SPAG16: variants seen among roughly 807,000 people sequenced by gnomAD.
The protein encoded by SPAG16 is sperm-associated antigen 16 protein.
SPAG16 carries 86 observed loss-of-function variants against 80.4 expected under a neutral mutation model. That is an observed-to-expected ratio of 1.07 (90% CI 0.90 to 1.28). The LOEUF is 1.28. Among genes scored for constraint, SPAG16 ranks in the 50% most tolerant of loss-of-function variants. The pLI is 0.00. For missense variants in SPAG16, 870 were observed against 765.3 expected, an observed-to-expected ratio of 1.14 and a Z score of -1.61; for synonymous variants, 294 against 265.9, an observed-to-expected ratio of 1.11 and a Z score of -1.03.
intron 15 of SPAG16, among the ~76,000 whole-genome samples, chr2:214,275,224 T>C (rs959700096): frequency 3.3e-5 from 5 of 152,316 alleles, no homozygotes; most frequent in Admixed American, 2.6e-4. Context: ...TCTATCAATT[T>C]TGTTGATCTT....
intron 9 of SPAG16, among the ~76,000 whole-genome samples, chr2:213,486,960 G>A (rs1473074875): frequency 6.6e-6 from 1 of 152,134 alleles, no homozygotes; most frequent in South Asian, 2.1e-4. Flanking sequence ...ATGCTTTGCA[G>A]AGATTATCTC....
intron 15 of SPAG16, among the ~76,000 whole-genome samples, chr2:214,184,350 T>C (rs2057404085): frequency 1.3e-5 from 2 of 152,060 alleles, no homozygotes; most frequent in Non-Finnish European, 2.9e-5. Flanking sequence ...TTATTAGTAA[T>C]ACTAACAGCC....
chr2:214,258,471 GTATA>G (rs146532641), intron 15 of SPAG16, among the ~76,000 whole-genome samples: 28 of 141,440 alleles, frequency 2.0e-4, no homozygotes, highest in East Asian at 1.7e-3. Context: ...ATGTGTGTGT[GTATA>G]TATATATATA....
In SPAG16 at chr2:213,845,524, A is replaced by G. The variant is rs1338528941; in HGVS notation, c.1071-16961A>G. Among the ~76,000 whole-genome samples the G allele has an allele frequency of 2.6e-5, 4 of 152,294 alleles. No homozygotes were observed. In the East Asian group the frequency reaches 7.7e-4, roughly 29 times the overall value. ...GTTCTTAATCGTAATGAACATGAAC[A>G]GTATTAATAAGTTCAAAGCAATATG... On this transcript the variant is annotated intron_variant, in intron 10 of 15. Coordinates refer to ENST00000331683, the MANE Select transcript of SPAG16 (RefSeq NM_024532.5).
intron 11 of SPAG16, among the ~76,000 whole-genome samples, chr2:213,892,060 T>TG (rs1487570232): frequency 1.3e-5 from 2 of 152,110 alleles, no homozygotes; most frequent in African/African-American, 4.8e-5. Context: ...ATCTGTAATT[T>TG]GGAGATGTAA....
intron 15 of SPAG16, among the ~76,000 whole-genome samples, chr2:214,336,642 C>T (rs1420419342): frequency 6.6e-6 from 1 of 151,956 alleles, no homozygotes; most frequent in Non-Finnish European, 1.5e-5. Context: ...ATGTAGGAAA[C>T]TACACTGTAC....
intron 15 of SPAG16, among the ~76,000 whole-genome samples, chr2:214,383,498 G>A (rs1474635377): frequency 6.6e-6 from 1 of 151,178 alleles, no homozygotes; most frequent in Admixed American, 6.6e-5. Context: ...TGGAGCTGGG[G>A]AGACAGAGGT....
chr2:213,914,741 T>C (rs976835821), intron 11 of SPAG16, among the ~76,000 whole-genome samples: 1 of 152,196 alleles, frequency 6.6e-6, no homozygotes, highest in Admixed American at 6.5e-5. Context: ...CGATGAGTGA[T>C]ATTGATCTTT....
chr2:214,067,846 G>C (rs1016945438), intron 13 of SPAG16, among the ~76,000 whole-genome samples: 1 of 151,988 alleles, frequency 6.6e-6, no homozygotes, highest in Non-Finnish European at 1.5e-5. Flanking sequence ...TTTCCACCAA[G>C]TCTGACACCA....
At chr2:213,934,936 C>T (rs994482277) in intron 12 of SPAG16, among the ~76,000 whole-genome samples, 5 of 152,178 alleles carry the variant, frequency 3.3e-5, no homozygotes, top group African/African-American at 9.7e-5. Context: ...GGTGCGGTGG[C>T]TCATGCCTGT....
chr2:213,313,698 G>T (rs1559399653), intron 4 of SPAG16, among the ~76,000 whole-genome samples: 1 of 151,844 alleles, frequency 6.6e-6, no homozygotes, highest in African/African-American at 2.4e-5. Context: ...TATTAATTTA[G>T]AATTCAAATT....
intron 10 of SPAG16, among the ~76,000 whole-genome samples, chr2:213,700,230 A>G (rs1468883467): frequency 6.6e-6 from 1 of 151,976 alleles, no homozygotes; most frequent in African/African-American, 2.4e-5. Flanking sequence ...AAAAAAAAAA[A>G]CAAATAATTT....
At chr2:213,665,973 G>C (rs1255767695) in intron 10 of SPAG16, among the ~76,000 whole-genome samples, 1 of 152,166 alleles carries the variant, frequency 6.6e-6, no homozygotes, top group Non-Finnish European at 1.5e-5. Flanking sequence ...TACAATGTGA[G>C]AGTTGAACCA....
At chr2:214,172,670 C>CGCCACACT (rs2056916871) in intron 15 of SPAG16, among the ~76,000 whole-genome samples, 1 of 151,968 alleles carries the variant, frequency 6.6e-6, no homozygotes, top group African/African-American at 2.4e-5. Context: ...CCTGAGGAAT[C>CGCCACACT]GCCACACTGA....
At chr2:213,574,695 G>C (rs909304663) in intron 10 of SPAG16, among the ~76,000 whole-genome samples, 1 of 144,132 alleles carries the variant, frequency 6.9e-6, no homozygotes, top group Non-Finnish European at 1.5e-5. Flanking sequence ...ATATATATAT[G>C]ATATATGATA....
chr2:214,221,430 A>T (rs1450517742), intron 15 of SPAG16, among the ~76,000 whole-genome samples: 2 of 152,034 alleles, frequency 1.3e-5, no homozygotes, highest in African/African-American at 4.8e-5. Context: ...TTTCTTACTC[A>T]AGATAAAGAA....
intron 10 of SPAG16, among the ~76,000 whole-genome samples, chr2:213,591,207 G>A (rs2060677849): frequency 6.6e-6 from 1 of 152,048 alleles, no homozygotes; most frequent in African/African-American, 2.4e-5. Context: ...ATTAGATTTT[G>A]GAGTATGTGT....
rs192652985 is a variant in SPAG16 at position 213,426,384 on chromosome 2, A to G, written c.942+51265A>G. ...GAAATGAGCACCCAAATTTTCTTCT[A>G]GTACTTTTATAGTTTTATATTTTAT... is the stretch of plus-strand genomic sequence containing the variant. On this transcript the variant is annotated intron_variant, in intron 9 of 15. Transcript: ENST00000331683. 5.8e-3 allele frequency among the ~76,000 whole-genome samples: 878 copies of G among 152,024 alleles called. 7 individuals carry two copies. Among genetic ancestry groups the G allele is most frequent in the Non-Finnish European group, 7.5e-3 (507 of 67,938 alleles).
chr2:213,712,930 A>C lies in SPAG16; in HGVS notation c.1071-149555A>C, dbSNP rs536193614. Among the ~76,000 whole-genome samples, 27 of 152,254 alleles carry C rather than the reference A, an allele frequency of 1.8e-4. 3 individuals carry two copies. The South Asian group carries it at 5.6e-3, about 32-fold the overall frequency. ...TACGAAGAAATACCTGAGGCTGGGT[A>C]ATTTATAAAGAAAAGAGGTTTAATG... On this transcript the variant is annotated intron_variant, in intron 10 of 15. Transcript: ENST00000331683.
Sources: gnomAD v4.1 joint callset for allele counts (sites outside exome capture counted in the v4.1 genomes callset) on GRCh38, gnomAD v4.1.1 for gene constraint, MANE v1.5 for transcripts, NCBI Gene and HGNC (gene_info 2026-07-23, HGNC 2026-07-21) for gene names.